The following NRXN3 variants were observed in gnomAD, a reference collection of about 807,000 sequenced individuals.
The protein encoded by NRXN3 is neurexin 3, also known as neurexin III.
In NRXN3, 32 loss-of-function variants were observed where a neutral mutation model predicts 137.6. That is an observed-to-expected ratio of 0.23 (90% CI 0.18 to 0.31). The LOEUF (loss-of-function observed/expected upper bound fraction) is 0.31, where lower values mean the gene tolerates loss of function less well. Among genes scored for constraint, NRXN3 ranks in the 10% least tolerant of loss-of-function variants. The probability of loss-of-function intolerance (pLI) is 1.00; values close to 1 mark genes in which losing one functional copy is unlikely to be tolerated. For synonymous variants in NRXN3, 798 were observed against 784.5 expected, an observed-to-expected ratio of 1.02 and a Z score of -0.29; for missense variants, 1,574 against 2,062.5, an observed-to-expected ratio of 0.76 and a Z score of 4.59.
intron 15 of NRXN3, among the ~76,000 whole-genome samples, chr14:79,193,729 A>C (rs1021287279): frequency 6.6e-6 from 1 of 152,232 alleles, no homozygotes; most frequent in African/African-American, 2.4e-5. Flanking sequence ...AGTAAAGGAA[A>C]GAGAAAGAAA....
intron 16 of NRXN3, among the ~76,000 whole-genome samples, chr14:79,589,309 G>A (rs2097784573): frequency 6.6e-6 from 1 of 151,942 alleles, no homozygotes; most frequent in Admixed American, 6.6e-5. Flanking sequence ...CACCCATTGT[G>A]CTATCAGATA....
intron 15 of NRXN3, among the ~76,000 whole-genome samples, chr14:79,466,500 A>G (rs951219762): frequency 6.6e-6 from 1 of 152,100 alleles, no homozygotes; most frequent in Non-Finnish European, 1.5e-5. Context: ...AGGCAGGAGA[A>G]TTGCTTGAAC....
chr14:79,022,468 T>A (rs537724698), intron 15 of NRXN3, among the ~76,000 whole-genome samples: 3 of 152,248 alleles, frequency 2.0e-5, no homozygotes, highest in African/African-American at 7.2e-5. Flanking sequence ...GCTGGGGAAA[T>A]GGTCCACTGA....
intron 4 of NRXN3, among the ~76,000 whole-genome samples, chr14:78,557,638 G>C (rs2096751338): frequency 6.6e-6 from 1 of 152,204 alleles, no homozygotes; most frequent in South Asian, 2.1e-4. Flanking sequence ...CTTTGTCACT[G>C]TGCTTTTACG....
intron 10 of NRXN3, among the ~76,000 whole-genome samples, chr14:78,947,100 C>G (rs557002640): frequency 6.6e-6 from 1 of 152,262 alleles, no homozygotes; most frequent in South Asian, 2.1e-4. Context: ...TTCTGCTAAT[C>G]TGGCCTCCTG....
At chr14:79,699,676 A>G (rs934320011) in intron 19 of NRXN3, among the ~76,000 whole-genome samples, 8 of 152,082 alleles carry the variant, frequency 5.3e-5, no homozygotes, top group Non-Finnish European at 1.0e-4. Flanking sequence ...AAATCTTGCT[A>G]GTGATTATAA....
chr14:78,483,450 A>G (rs1283790619), intron 4 of NRXN3, among the ~76,000 whole-genome samples: 2 of 152,232 alleles, frequency 1.3e-5, no homozygotes, highest in African/African-American at 4.8e-5. Context: ...CACCAACTGC[A>G]TGTCACTGGT....
In NRXN3 at chr14:78,570,732, C is replaced by T. The variant is rs564763986; in HGVS notation, c.758-74388C>T. On this transcript the variant is annotated intron_variant, in intron 4 of 20. Coordinates refer to ENST00000335750, the MANE Select transcript of NRXN3 (RefSeq NM_001330195.2). ...GCTGTGCTCACCATGTTCTGAGAGA[C>T]AGGCAGACAAAGCGTAATTTACAAT... Among the ~76,000 whole-genome samples, 15 of 152,312 alleles carry T rather than the reference C, an allele frequency of 9.8e-5. 1 individual carries two copies. The South Asian group carries it at 2.9e-3, about 29-fold the overall frequency.
chr14:79,708,590 C>T (rs1427154480), intron 19 of NRXN3, among the ~76,000 whole-genome samples: 6 of 151,542 alleles, frequency 4.0e-5, no homozygotes, highest in African/African-American at 7.3e-5. Flanking sequence ...GGCATCAAGG[C>T]GGATATTTCC....
chr14:78,505,546 T>C (rs2153782140), intron 4 of NRXN3, among the ~76,000 whole-genome samples: 1 of 152,266 alleles, frequency 6.6e-6, no homozygotes, highest in Admixed American at 6.5e-5. Context: ...TCAAATGTCT[T>C]ACTCTAAAAA....
chr14:79,663,247 C>CGTGTGT (rs145244363), intron 16 of NRXN3, among the ~76,000 whole-genome samples: 2 of 149,470 alleles, frequency 1.3e-5, no homozygotes, highest in African/African-American at 4.9e-5. Context: ...TGTGTGTACG[C>CGTGTGT]GTGTGTGTGT....
At chr14:78,504,334 T>C (rs1011385517) in intron 4 of NRXN3, among the ~76,000 whole-genome samples, 40 of 152,212 alleles carry the variant, frequency 2.6e-4, no homozygotes, top group African/African-American at 9.4e-4. Context: ...TTGCTGATTA[T>C]TGACTGACAT....
At chr14:79,360,973 TATC>T (rs1262033564) in intron 15 of NRXN3, among the ~76,000 whole-genome samples, 1 of 152,204 alleles carries the variant, frequency 6.6e-6, no homozygotes, top group African/African-American at 2.4e-5. Flanking sequence ...TAGAAAAGAA[TATC>T]ATGCAAACTC....
chr14:79,272,867 C>T (rs557560581), intron 15 of NRXN3, among the ~76,000 whole-genome samples: 23 of 152,240 alleles, frequency 1.5e-4, no homozygotes, highest in African/African-American at 5.3e-4. Flanking sequence ...ATTTTGCATT[C>T]CGTGATTTGA....
intron 19 of NRXN3, among the ~76,000 whole-genome samples, chr14:79,796,097 C>T (rs1342872876): frequency 6.6e-6 from 1 of 151,984 alleles, no homozygotes; most frequent in African/African-American, 2.4e-5. Flanking sequence ...ATTAGCAATC[C>T]TAGAGAGGAC....
intron 19 of NRXN3, among the ~76,000 whole-genome samples, chr14:79,725,626 CAA>C (rs1276984203): frequency 6.6e-6 from 1 of 151,926 alleles, no homozygotes; most frequent in Non-Finnish European, 1.5e-5. Context: ...TTGTTCCATT[CAA>C]AGAGATTAGG....
chr14:78,956,976 C>T (rs60536854), intron 10 of NRXN3, among the ~76,000 whole-genome samples: 10,606 of 152,208 alleles, frequency 0.07, 960 homozygotes, highest in East Asian at 0.37. Context: ...CTGCCATTGG[C>T]ATTTGAAAAC....
Position 79,440,442 on chromosome 14 carries a change from G to T in NRXN3, c.3263-26779G>T, listed in dbSNP as rs543943638. On this transcript the variant is annotated intron_variant, in intron 15 of 20. Coordinates refer to ENST00000335750, the MANE Select transcript of NRXN3 (RefSeq NM_001330195.2). ...AAATACTGGATGCTCCTCATAAGTA[G>T]TTATTTATTTATTAATATCACTGAC... Among the ~76,000 whole-genome samples the T allele has an allele frequency of 2.6e-5, 4 of 152,282 alleles. No individual in the cohort carries two copies. The South Asian group carries it at 8.3e-4, about 32-fold the overall frequency.
At chr14:78,216,423 C>A (rs2063287487) in intron 1 of NRXN3, among the ~76,000 whole-genome samples, 1 of 152,118 alleles carries the variant, frequency 6.6e-6, no homozygotes, top group Non-Finnish European at 1.5e-5. Context: ...CTCACAGAAC[C>A]AGTGTCAGCT....
Sources: allele counts gnomAD v4.1 joint callset (sites outside exome capture counted in the v4.1 genomes callset), GRCh38; gene constraint gnomAD v4.1.1; transcripts MANE v1.5; gene names NCBI Gene and HGNC (gene_info 2026-07-23, HGNC 2026-07-21).